The following TOM1L1 variants were observed in gnomAD, a reference collection of about 807,000 sequenced individuals.
The protein encoded by TOM1L1 is TOM1-like protein 1.
In TOM1L1, 64 loss-of-function variants were observed where a neutral mutation model predicts 63.4. The observed-to-expected ratio is 1.01, with a 90% CI of 0.83 to 1.24. The LOEUF (loss-of-function observed/expected upper bound fraction) is 1.24. TOM1L1 is among the 50% of genes most tolerant of loss of function. The probability of loss-of-function intolerance (pLI) is 0.00; values close to 1 mark genes in which losing one functional copy is unlikely to be tolerated. For synonymous variants in TOM1L1, 166 were observed against 194.4 expected, an observed-to-expected ratio of 0.85 and a Z score of 1.22; for missense variants, 536 against 567.0, an observed-to-expected ratio of 0.95 and a Z score of 0.55.
In TOM1L1 at chr17:54,949,575, G is replaced by C. The variant is rs150430773; in HGVS notation, c.1240G>C (p.Ala414Pro). 6.5e-4 allele frequency: 1,048 copies of C among 1,613,976 alleles called. 2 individuals carry two copies. Among genetic ancestry groups the C allele is most frequent in the Non-Finnish European group, 7.9e-4 (928 of 1,179,964 alleles). ...LQPVSLQTIA[A>P]APSNQSLPPL... The stretch of plus-strand genomic sequence containing the variant: ...GCCAGTTAGTCTACAAACCATTGCA[G>C]CAGCACCATCAAACCAGAGTCTGCC... Residue 414 changes from alanine (A) to proline (P), a missense_variant, in exon 13 of 16, where the codon GCA becomes CCA. Transcript: ENST00000575882.
chr17:54,949,951 C>A, intron 13 of TOM1L1, 94 bp from the exon 14 acceptor site: 1 of 987,802 alleles, frequency 1.0e-6, no homozygotes, highest in Non-Finnish European at 1.5e-6. Flanking sequence ...TTATTAGGAT[C>A]TAATATTTGA....
intron 10 of TOM1L1, 79 bp from the exon 11 acceptor site, chr17:54,938,845 T>G (rs1446856451): frequency 2.4e-5 from 17 of 704,000 alleles, no homozygotes; most frequent in African/African-American, 7.4e-5. Flanking sequence ...TTTCTTTTTT[T>G]TTGTTTTTAC....
intron 7 of TOM1L1, among the ~76,000 whole-genome samples, chr17:54,924,283 CTTTTTT>C (rs35210443): frequency 7.3e-6 from 1 of 137,538 alleles, no homozygotes; most frequent in Non-Finnish European, 1.6e-5. Flanking sequence ...TTTCTTTTTT[CTTTTTT>C]TTTTTTTTGA....
At chr17:54,945,567 T>C (rs576159688) in intron 11 of TOM1L1, among the ~76,000 whole-genome samples, 5 of 152,342 alleles carry the variant, frequency 3.3e-5, no homozygotes, top group African/African-American at 1.2e-4. Context: ...TTTGTTTTAC[T>C]CTTTGCTTCT....
intron 7 of TOM1L1, among the ~76,000 whole-genome samples, chr17:54,922,809 C>A (rs1839650850): frequency 6.6e-6 from 1 of 152,146 alleles, no homozygotes; most frequent in Non-Finnish European, 1.5e-5. Context: ...GCAGTTCAAA[C>A]CCATGTTGTT....
chr17:54,927,206 T>C (rs2048783029), intron 7 of TOM1L1, among the ~76,000 whole-genome samples: 1 of 152,202 alleles, frequency 6.6e-6, no homozygotes, highest in Non-Finnish European at 1.5e-5. Context: ...TTGGGGTTTC[T>C]TGCGCTTTGG....
intron 7 of TOM1L1, among the ~76,000 whole-genome samples, chr17:54,926,736 T>C (rs761462783): frequency 6.9e-4 from 105 of 152,128 alleles, no homozygotes; most frequent in Non-Finnish European, 7.5e-4. Flanking sequence ...ATATTAAGAG[T>C]AGAAAGGACT....
intron 8 of TOM1L1, among the ~76,000 whole-genome samples, chr17:54,932,667 C>T (rs1159931986): frequency 6.6e-6 from 1 of 152,166 alleles, no homozygotes; most frequent in African/African-American, 2.4e-5. Context: ...GTGATCCACC[C>T]TCCTTGGCCT....
intron 14 of TOM1L1, 36 bp downstream of exon 14, chr17:54,950,162 T>A: frequency 6.4e-7 from 1 of 1,551,756 alleles, no homozygotes; most frequent in African/African-American, 1.4e-5. Context: ...TTATTTTTTG[T>A]CTTGGTTCCC....
At chr17:54,959,872 C>T (rs140283847) in intron 14 of TOM1L1, among the ~76,000 whole-genome samples, 1,579 of 152,170 alleles carry the variant, frequency 0.01, 23 homozygotes, top group African/African-American at 0.035. Flanking sequence ...CCACCTCAGC[C>T]TCCCAGAGTG....
In TOM1L1 at chr17:54,961,559, C is replaced by A; in HGVS notation, c.*326C>A. On this transcript the variant is annotated 3_prime_UTR_variant, in exon 16 of 16. Coordinates refer to ENST00000575882, the MANE Select transcript of TOM1L1 (RefSeq NM_005486.3). ...GCCTTCCTACATTTAGAAATCGTCA[C>A]ACAGCTGTGATAAGAGTAGATTATT... 1 of 1,356,786 alleles carries A rather than the reference C, an allele frequency of 7.4e-7. No homozygotes were observed. The highest frequency in any genetic ancestry group is 9.5e-7 in the Non-Finnish European group (1 of 1,055,798). The allele number at this position is 1,356,786 out of a possible 1,614,324, so 84.0% of individuals were successfully genotyped here. A position where few individuals can be genotyped will look rare whatever the true frequency, so the allele number is the denominator to read the frequency against.
intron 7 of TOM1L1, among the ~76,000 whole-genome samples, chr17:54,924,287 T>C (rs2048732922): frequency 6.6e-6 from 1 of 150,406 alleles, no homozygotes; most frequent in African/African-American, 2.4e-5. Context: ...TTTTTTCTTT[T>C]TTTTTTTTTT....
At chr17:54,912,873 C>T in intron 4 of TOM1L1, 58 bp downstream of exon 4, 1 of 1,362,374 alleles carries the variant, frequency 7.3e-7, no homozygotes, top group East Asian at 2.6e-5. Context: ...GATTTAATAG[C>T]TTACCTCCTG....
intron 1 of TOM1L1, among the ~76,000 whole-genome samples, chr17:54,902,478 T>C (rs2048342763): frequency 6.6e-6 from 1 of 152,046 alleles, no homozygotes; most frequent in Non-Finnish European, 1.5e-5. Context: ...TTAGTAGAGA[T>C]GGAGTTTCAC....
chr17:54,935,912 C>T (rs770118246), intron 8 of TOM1L1, among the ~76,000 whole-genome samples: 2 of 152,066 alleles, frequency 1.3e-5, no homozygotes, highest in Non-Finnish European at 2.9e-5. Context: ...CACCTGAGGT[C>T]GGGAGTTCGA....
intron 5 of TOM1L1, among the ~76,000 whole-genome samples, chr17:54,914,370 TAA>T (rs35044232): frequency 0.26 from 37,272 of 144,424 alleles, 4,679 homozygotes; most frequent in Non-Finnish European, 0.28. Context: ...GACCCTTGGT[TAA>T]AAAAAAAAAA....
intron 11 of TOM1L1, among the ~76,000 whole-genome samples, chr17:54,939,997 C>T (rs1244753395): frequency 6.6e-6 from 1 of 152,092 alleles, no homozygotes. Context: ...CTAATAAAAC[C>T]TGATGGAGTA....
chr17:54,923,714 T>G (rs1435153397), intron 7 of TOM1L1, among the ~76,000 whole-genome samples: 1 of 151,860 alleles, frequency 6.6e-6, no homozygotes. Context: ...CCTGGCTAAT[T>G]TTTGTATTTT....
chr17:54,930,183 T>C lies in TOM1L1; in HGVS notation c.831T>C (p.Asn277=). 1 of 1,614,146 alleles carries C rather than the reference T, an allele frequency of 6.2e-7. No individual in the cohort carries two copies. The highest frequency in any genetic ancestry group is 8.5e-7 in the Non-Finnish European group (1 of 1,180,000). ...TAATTCAGGTGAATGAGGATTTGAATAATGCTATCCTTGGATATGAGAGGT... is the reference window on the plus strand; with the variant it reads ...TAATTCAGGTGAATGAGGATTTGAACAATGCTATCCTTGGATATGAGAGGT... The part of the protein sequence containing the change: ...VELIQVNEDL[N]NAILGYERFT... The change falls in exon 8 of 16, where the codon AAT becomes AAC. Residue 277 remains asparagine (N), a synonymous_variant. Coordinates refer to ENST00000575882, the MANE Select transcript of TOM1L1 (RefSeq NM_005486.3).
Sources: gnomAD v4.1 joint callset for allele counts (sites outside exome capture counted in the v4.1 genomes callset) on GRCh38, gnomAD v4.1.1 for gene constraint, MANE v1.5 for transcripts, NCBI Gene and HGNC (gene_info 2026-07-23, HGNC 2026-07-21) for gene names.